The following SYT15B variants were observed in gnomAD, a reference collection of about 807,000 sequenced individuals.
SYT15B encodes synaptotagmin-15.
At chr10:47,755,358 C>A in the SYT15B span, among the ~76,000 whole-genome samples, 1 of 152,122 alleles carries the variant, frequency 6.6e-6, no homozygotes, top group Non-Finnish European at 1.5e-5. Context: ...CAGGCTCATG[C>A]CATTCTCCTG....
the SYT15B span, among the ~76,000 whole-genome samples, chr10:47,748,683 A>T: frequency 5.0e-5 from 7 of 139,914 alleles, no homozygotes; most frequent in South Asian, 7.9e-4. Context: ...GAGGGGGGGG[A>T]TCTTGCTCTG....
the SYT15B span, among the ~76,000 whole-genome samples, chr10:47,761,102 G>GCACACA: frequency 2.2e-3 from 317 of 145,508 alleles, 3 homozygotes; most frequent in African/African-American, 5.8e-3. Flanking sequence ...ACACACACAC[G>GCACACA]CACACACACA....
chr10:47,749,458 G>A, the SYT15B span, among the ~76,000 whole-genome samples: 1 of 148,980 alleles, frequency 6.7e-6, no homozygotes, highest in African/African-American at 2.5e-5. Flanking sequence ...CTCGTTAGGT[G>A]TAAAATATAT....
chr10:47,744,908 A>C, the SYT15B span, among the ~76,000 whole-genome samples: 1 of 152,000 alleles, frequency 6.6e-6, no homozygotes, highest in Non-Finnish European at 1.5e-5. Flanking sequence ...TAGCTATAAA[A>C]ATAGGCTCTG....
chr10:47,761,115 C>CAG, the SYT15B span, among the ~76,000 whole-genome samples: 1 of 149,964 alleles, frequency 6.7e-6, no homozygotes, highest in Non-Finnish European at 1.5e-5. Context: ...CACACACACA[C>CAG]ACACACACAC....
the SYT15B span, among the ~76,000 whole-genome samples, chr10:47,745,600 T>C: frequency 5.6e-5 from 6 of 107,056 alleles, no homozygotes; most frequent in African/African-American, 1.5e-4. Flanking sequence ...ATTTTCATCA[T>C]GGAATGTCAG....
the SYT15B span, chr10:47,757,224 C>A: frequency 1.0e-5 from 3 of 290,010 alleles, no homozygotes; most frequent in Non-Finnish European, 1.4e-5. Context: ...TGCCTCTGTC[C>A]TCCTGGAGCC....
the SYT15B span, among the ~76,000 whole-genome samples, chr10:47,756,597 G>A: frequency 2.0e-5 from 3 of 151,270 alleles, no homozygotes; most frequent in African/African-American, 7.3e-5. Flanking sequence ...GATTTGGTGG[G>A]TGAGGGTCAG....
At chr10:47,755,555 CTTTTTTTTTT>C in the SYT15B span, among the ~76,000 whole-genome samples, 141 of 82,762 alleles carry the variant, frequency 1.7e-3, no homozygotes, top group East Asian at 0.018. Context: ...GTGCCCGGCC[CTTTTTTTTTT>C]TTTTTTTTTT....
chr10:47,744,756 T>G, the SYT15B span, among the ~76,000 whole-genome samples: 1 of 151,852 alleles, frequency 6.6e-6, no homozygotes, highest in Non-Finnish European at 1.5e-5. Flanking sequence ...GTTTTCTATT[T>G]ACCAATTCAA....
chr10:47,748,601 T>A, the SYT15B span, among the ~76,000 whole-genome samples: 4 of 152,298 alleles, frequency 2.6e-5, no homozygotes, highest in African/African-American at 9.6e-5. Context: ...ACACATTTCT[T>A]CTTTTCTTTT....
At chr10:47,763,504 C>G in the SYT15B span, 1 of 621,162 alleles carries the variant, frequency 1.6e-6, no homozygotes, top group African/African-American at 2.0e-5. Context: ...GCGGCCCAGC[C>G]CCTGTTACGG....
At chr10:47,762,283 C>T in the SYT15B span, among the ~76,000 whole-genome samples, 1 of 151,788 alleles carries the variant, frequency 6.6e-6, no homozygotes, top group African/African-American at 2.4e-5. Flanking sequence ...ATTTGCGGGA[C>T]CTAGGAGGCT....
At chr10:47,745,355 AT>A in the SYT15B span, among the ~76,000 whole-genome samples, 4 of 148,414 alleles carry the variant, frequency 2.7e-5, no homozygotes, top group African/African-American at 9.9e-5. Context: ...AAGTCTGGGA[AT>A]TATATTTCCC....
chr10:47,755,307 A>G, the SYT15B span, among the ~76,000 whole-genome samples: 6 of 149,996 alleles, frequency 4.0e-5, no homozygotes, highest in Non-Finnish European at 4.5e-5. Flanking sequence ...CCAGGCTGGA[A>G]TGCAGTGGTG....
chr10:47,745,008 C>A, the SYT15B span, among the ~76,000 whole-genome samples: 1 of 150,942 alleles, frequency 6.6e-6, no homozygotes, highest in Admixed American at 6.6e-5. Context: ...CTCCCCCAAG[C>A]CTGGCCCAGG....
chr10:47,755,124 C>CTT, the SYT15B span, among the ~76,000 whole-genome samples: 1 of 151,002 alleles, frequency 6.6e-6, no homozygotes, highest in Non-Finnish European at 1.5e-5. Flanking sequence ...GCCTAGCTAA[C>CTT]TTTTGTATTT....
At chr10:47,745,634 C>T in the SYT15B span, among the ~76,000 whole-genome samples, 2 of 126,902 alleles carry the variant, frequency 1.6e-5, no homozygotes, top group African/African-American at 5.4e-5. Context: ...GCATCGAGGC[C>T]CAAAAGCAGC....
chr10:47,751,478 G>C, the SYT15B span: 1 of 35,636 alleles, frequency 2.8e-5, no homozygotes, highest in Admixed American at 3.6e-4. Context: ...CAGAGGACAT[G>C]ATTATACAAA....
Sources: gnomAD v4.1 joint callset for allele counts (sites outside exome capture counted in the v4.1 genomes callset) on GRCh38, gnomAD v4.1.1 for gene constraint, MANE v1.5 for transcripts, NCBI Gene and HGNC (gene_info 2026-07-23, HGNC 2026-07-21) for gene names.